STAMBP: variants seen among roughly 807,000 people sequenced by gnomAD.
STAMBP encodes STAM-binding protein.
A neutral mutation model predicts 50.7 loss-of-function variants in STAMBP; 31 were observed. The observed-to-expected ratio is 0.61, with a 90% CI of 0.46 to 0.83. The LOEUF (loss-of-function observed/expected upper bound fraction) is 0.83. Among genes scored for constraint, STAMBP ranks in the 40% least tolerant of loss-of-function variants. The pLI is 0.00. For synonymous variants in STAMBP, 211 were observed against 192.4 expected, an observed-to-expected ratio of 1.10 and a Z score of -0.80; for missense variants, 472 against 518.9, an observed-to-expected ratio of 0.91 and a Z score of 0.88.
At chr2:73,830,677 T>C (rs1482191288) in intron 1 of STAMBP, among the ~76,000 whole-genome samples, 168 bp from the exon 2 acceptor site, 1 of 152,252 alleles carries the variant, frequency 6.6e-6, no homozygotes, top group African/African-American at 2.4e-5. Flanking sequence ...TGGGCTTCCT[T>C]GAGGGTCTCA....
At chr2:73,834,454 A>G (rs1031873237) in intron 2 of STAMBP, among the ~76,000 whole-genome samples, 35 of 151,544 alleles carry the variant, frequency 2.3e-4, no homozygotes, top group African/African-American at 6.8e-4. Context: ...AGAAAATCAT[A>G]AAGAATAGAA....
chr2:73,829,524 A>G lies in STAMBP; in HGVS notation c.-13+14A>G, dbSNP rs1379124086. The G allele has an allele frequency of 6.6e-6, 1 of 152,144 alleles. No individual in the cohort carries two copies. The highest frequency in any genetic ancestry group is 1.5e-5 in the Non-Finnish European group (1 of 68,044). 9.4% of individuals were successfully genotyped at this position (152,144 alleles called of 1,614,324 possible). ...CTCTCCCAAGAGGTACTGAGATGCA[A>G]CAAGCATCCTCTGTTTCAGTTAACT... is the stretch of plus-strand genomic sequence containing the variant. On this transcript the variant is annotated intron_variant, in intron 1 of 9. Coordinates refer to ENST00000394070, the MANE Select transcript of STAMBP (RefSeq NM_213622.4).
chr2:73,839,487 T>A (rs1033864247), intron 2 of STAMBP, among the ~76,000 whole-genome samples: 4 of 152,156 alleles, frequency 2.6e-5, no homozygotes, highest in Non-Finnish European at 5.9e-5. Flanking sequence ...TTTGCTGGGA[T>A]TGGGGTTTAT....
intron 2 of STAMBP, among the ~76,000 whole-genome samples, chr2:73,831,812 C>T (rs1027472746): frequency 6.6e-6 from 1 of 152,044 alleles, no homozygotes; most frequent in South Asian, 2.1e-4. Flanking sequence ...ATTTGATCTT[C>T]ACAGTTCTGT....
At position 73,863,884 on chromosome 2, in the gene STAMBP, A is replaced by C. The variant is rs372434915; in HGVS notation, c.*1625A>C. Reference sequence around the variant, plus strand: ...ATTTCTTCATTCCAGTCTGTTCTGCACACTTTGATCAGGAGAAGCTTCTCA... The same window carrying C: ...ATTTCTTCATTCCAGTCTGTTCTGCCCACTTTGATCAGGAGAAGCTTCTCA... On this transcript the variant is annotated 3_prime_UTR_variant, in exon 10 of 10. Transcript: ENST00000394070. 2.0e-5 allele frequency: 3 copies of C among 152,304 alleles called. No individual in the cohort carries two copies. The highest frequency in any genetic ancestry group is 7.2e-5 in the African/African-American group (3 of 41,562). The allele number at this position is 152,304 out of a possible 1,614,324, so 9.4% of individuals were successfully genotyped here.
chr2:73,845,087 A>G (rs1573312529), intron 3 of STAMBP, 80 bp from the exon 4 acceptor site: 2 of 1,583,608 alleles, frequency 1.3e-6, no homozygotes, highest in Non-Finnish European at 8.6e-7. Context: ...TGTTGCAGTC[A>G]CCAACTTGAC....
intron 2 of STAMBP, chr2:73,844,549 C>G: frequency 4.1e-6 from 1 of 244,838 alleles, no homozygotes; most frequent in Non-Finnish European, 7.8e-6. Context: ...ACAAGAAAGG[C>G]TTTTTAAAAT....
In STAMBP at chr2:73,847,492, C is replaced by CAGTT; in HGVS notation, c.482_485dup (p.Phe162LeufsTer39). On this transcript the variant is annotated frameshift_variant, in exon 5 of 10. Transcript: ENST00000394070. LOFTEE classifies it high-confidence loss of function. Reference sequence around the variant, plus strand: ...GAAGCAGCAGCAATTGGAACAGGAACAGTTCCATGCCTTCGAGGAGATGAT... The same window carrying CAGTT: ...GAAGCAGCAGCAATTGGAACAGGAACAGTTAGTTCCATGCCTTCGAGGAGATGAT... 6.2e-7 allele frequency: 1 copy of CAGTT among 1,614,182 alleles called. No individual in the cohort carries two copies. Among genetic ancestry groups the CAGTT allele is most frequent in the Non-Finnish European group, 8.5e-7 (1 of 1,180,042 alleles).
intron 9 of STAMBP, among the ~76,000 whole-genome samples, 154 bp from the exon 10 acceptor site, chr2:73,862,049 A>G (rs889748251): frequency 5.9e-5 from 9 of 152,182 alleles, no homozygotes; most frequent in African/African-American, 1.9e-4. Flanking sequence ...AGGCAGAAGA[A>G]TCGCTTGAAC....
At chr2:73,871,006 G>A (rs1679176783), downstream of STAMBP, among the ~76,000 whole-genome samples, 1 of 152,152 alleles carries the variant, frequency 6.6e-6, no homozygotes, top group South Asian at 2.1e-4. Context: ...CTGGCCTCAA[G>A]CAATTCTCCC....
intron 7 of STAMBP, among the ~76,000 whole-genome samples, chr2:73,856,821 C>T (rs554322060): frequency 1.3e-4 from 20 of 152,304 alleles, no homozygotes; most frequent in Non-Finnish European, 7.3e-5. Flanking sequence ...TCCACTCCTA[C>T]TGTCTGGTGA....
intron 7 of STAMBP, 39 bp from the exon 8 acceptor site, chr2:73,859,215 T>G: frequency 6.5e-7 from 1 of 1,539,090 alleles, no homozygotes; most frequent in South Asian, 1.1e-5. Flanking sequence ...TTACCATATA[T>G]CCTCGCTAAG....
At chr2:73,834,238 T>A (rs2462126) in intron 2 of STAMBP, among the ~76,000 whole-genome samples, 1,958 of 16,710 alleles carry the variant, frequency 0.12, 553 homozygotes, top group East Asian at 0.28. Context: ...AAAAAAAAAA[T>A]ATATATATAT....
At chr2:73,868,343 A>G (rs1051703161), downstream of STAMBP, among the ~76,000 whole-genome samples, 11 of 152,250 alleles carry the variant, frequency 7.2e-5, no homozygotes, top group African/African-American at 2.6e-4. Context: ...GGACTTGCCC[A>G]TGATTCCACT....
intron 2 of STAMBP, among the ~76,000 whole-genome samples, chr2:73,841,573 C>CAAAAAA (rs1462278631): frequency 6.6e-6 from 1 of 152,206 alleles, no homozygotes; most frequent in African/African-American, 2.4e-5. Context: ...TCTATGGTAG[C>CAAAAAA]AGATATCACC....
intron 10 of STAMBP, chr2:73,873,311 G>T (rs540584920): frequency 1.3e-5 from 2 of 152,344 alleles, no homozygotes; most frequent in South Asian, 4.1e-4. Flanking sequence ...AAGATATGAG[G>T]CGCTTAACTT....
At chr2:73,868,930 C>A (rs1679083838), downstream of STAMBP, among the ~76,000 whole-genome samples, 1 of 152,110 alleles carries the variant, frequency 6.6e-6, no homozygotes, top group African/African-American at 2.4e-5. Flanking sequence ...TAAAATAAAT[C>A]TTCTAATATA....
chr2:73,847,377 C>T lies in STAMBP; in HGVS notation c.376-10C>T, dbSNP rs200218722. 6.3e-7 allele frequency: 1 copy of T among 1,583,366 alleles called. No homozygotes were observed. The highest frequency in any genetic ancestry group is 1.2e-5 in the South Asian group (1 of 86,640). ...TGTGAAGTGTTAGCCTAAATTTTCT[C>T]TCTTTGTAGAAGAAGGAAGCAGAGG... On this transcript the variant is annotated splice_polypyrimidine_tract_variant and intron_variant, in intron 4 of 9. Transcript: ENST00000394070.
downstream of STAMBP, among the ~76,000 whole-genome samples, chr2:73,867,754 T>A (rs1346964075): frequency 6.6e-6 from 1 of 152,154 alleles, no homozygotes; most frequent in Non-Finnish European, 1.5e-5. Context: ...TCAAAAGATA[T>A]GAATTAAGCA....
Sources: gnomAD v4.1 joint callset for allele counts (sites outside exome capture counted in the v4.1 genomes callset) on GRCh38, gnomAD v4.1.1 for gene constraint, MANE v1.5 for transcripts, NCBI Gene and HGNC (gene_info 2026-07-23, HGNC 2026-07-21) for gene names.